ZNF704: variants seen among roughly 807,000 people sequenced by gnomAD.
ZNF704 encodes glucocorticoid induced gene 1.
ZNF704 carries 10 observed loss-of-function variants against 44.7 expected under a neutral mutation model. The observed-to-expected ratio is 0.22, with a 90% CI of 0.14 to 0.38. ZNF704 has a LOEUF of 0.38. ZNF704 is among the 10% of genes least tolerant of loss of function. The pLI, the probability that ZNF704 is intolerant of heterozygous loss-of-function variation, is 1.00. For synonymous variants in ZNF704, 211 were observed against 207.6 expected (o/e 1.02, Z -0.14); for missense variants, 390 against 545.5 (o/e 0.71, Z 2.84).
At chr8:80,803,305 T>C (rs1037263477) in intron 2 of ZNF704, among the ~76,000 whole-genome samples, 8 of 152,256 alleles carry the variant, frequency 5.3e-5, no homozygotes, top group Middle Eastern at 3.4e-3. Flanking sequence ...TAAACTACCA[T>C]TGACATTCTT....
At chr8:80,798,599 C>A (rs1048255048) in intron 2 of ZNF704, among the ~76,000 whole-genome samples, 8 of 152,068 alleles carry the variant, frequency 5.3e-5, no homozygotes, top group Non-Finnish European at 1.5e-5. Context: ...GATCACTTAC[C>A]CAGTCTCTAA....
intron 2 of ZNF704, among the ~76,000 whole-genome samples, chr8:80,742,010 A>G (rs1003490327): frequency 1.3e-5 from 2 of 152,208 alleles, no homozygotes; most frequent in Non-Finnish European, 2.9e-5. Flanking sequence ...CCATGCCCAC[A>G]CAGCAATATG....
At chr8:80,714,347 C>G (rs1819038541) in intron 2 of ZNF704, among the ~76,000 whole-genome samples, 1 of 152,180 alleles carries the variant, frequency 6.6e-6, no homozygotes, top group South Asian at 2.1e-4. Flanking sequence ...AAATTCTGCA[C>G]TATTCAAAAG....
chr8:80,665,957 TTTTA>T lies in ZNF704; in HGVS notation c.660-879_660-876del, dbSNP rs561260184. Among the ~76,000 whole-genome samples the T allele has an allele frequency of 8.6e-3, 1,259 of 145,754 alleles. 20 individuals carry two copies. Among genetic ancestry groups the T allele is most frequent in the African/African-American group, 0.033 (1,197 of 36,458 alleles). The stretch of plus-strand genomic sequence containing the variant: ...ACCCAGTCTCAGATAGTTCTTTATT[TTTTA>T]TTTATTTATTTTTTTATTATACTTT... On this transcript the variant is annotated intron_variant, in intron 5 of 8. Transcript: ENST00000327835.
intron 2 of ZNF704, among the ~76,000 whole-genome samples, chr8:80,804,908 T>C (rs931613413): frequency 2.0e-5 from 3 of 152,172 alleles, no homozygotes; most frequent in Non-Finnish European, 4.4e-5. Context: ...GAAAATTTCA[T>C]CATAGATTGG....
At chr8:80,755,709 T>A (rs1226693421) in intron 2 of ZNF704, among the ~76,000 whole-genome samples, 1 of 152,178 alleles carries the variant, frequency 6.6e-6, no homozygotes, top group Admixed American at 6.5e-5. Flanking sequence ...TTCACATGAC[T>A]GGGCTTTACC....
intron 2 of ZNF704, among the ~76,000 whole-genome samples, chr8:80,787,858 TA>T (rs1807641181): frequency 1.3e-5 from 2 of 152,198 alleles, no homozygotes; most frequent in Admixed American, 6.5e-5. Context: ...TTATTTCTTT[TA>T]AAAAATTATC....
intron 2 of ZNF704, among the ~76,000 whole-genome samples, chr8:80,732,952 T>TAA (rs59640222): frequency 0.059 from 4,633 of 78,482 alleles, 403 homozygotes; most frequent in African/African-American, 0.19. Flanking sequence ...AGACCTTGCC[T>TAA]AAAAAAAAAA....
chr8:80,756,571 C>T (rs575403724), intron 2 of ZNF704, among the ~76,000 whole-genome samples: 2 of 152,296 alleles, frequency 1.3e-5, no homozygotes, highest in African/African-American at 4.8e-5. Context: ...TGTATATGCA[C>T]TTCTAGTTGT....
intron 1 of ZNF704, among the ~76,000 whole-genome samples, chr8:80,855,785 A>T (rs890778795): frequency 3.3e-5 from 5 of 152,244 alleles, no homozygotes; most frequent in Non-Finnish European, 2.9e-5. Context: ...ATAAAAAAAT[A>T]AAAAATAAAA....
chr8:80,884,059 G>T, the ZNF704 span, among the ~76,000 whole-genome samples: 2 of 152,208 alleles, frequency 1.3e-5, no homozygotes, highest in African/African-American at 4.8e-5. Context: ...TTTCTTAAAA[G>T]CTAGTCATAA....
intron 2 of ZNF704, among the ~76,000 whole-genome samples, chr8:80,720,662 C>G (rs955026352): frequency 5.9e-5 from 9 of 152,198 alleles, no homozygotes; most frequent in African/African-American, 2.2e-4. Context: ...TACAGGAAAC[C>G]AACAGAAATC....
chr8:80,825,831 G>A (rs1247147662), intron 1 of ZNF704, among the ~76,000 whole-genome samples: 2 of 152,138 alleles, frequency 1.3e-5, no homozygotes, highest in African/African-American at 4.8e-5. Flanking sequence ...TGACTACTGG[G>A]TACATCACGA....
intron 1 of ZNF704, among the ~76,000 whole-genome samples, chr8:80,866,623 C>T (rs1444852130): frequency 1.3e-5 from 2 of 152,208 alleles, no homozygotes; most frequent in Admixed American, 6.5e-5. Context: ...GTCATTGTAA[C>T]AAGGCTGATT....
At chr8:80,700,473 T>C (rs1265356655) in intron 2 of ZNF704, among the ~76,000 whole-genome samples, 5 of 152,226 alleles carry the variant, frequency 3.3e-5, no homozygotes, top group Non-Finnish European at 7.3e-5. Context: ...TTAAATAAGA[T>C]GTGTAAAATA....
At chr8:80,829,282 G>GT (rs1255167676) in intron 1 of ZNF704, among the ~76,000 whole-genome samples, 2 of 152,100 alleles carry the variant, frequency 1.3e-5, no homozygotes, top group South Asian at 2.1e-4. Context: ...AATGCACTGC[G>GT]TAACTCTCTC....
intron 1 of ZNF704, among the ~76,000 whole-genome samples, chr8:80,836,788 CA>C (rs1208538956): frequency 6.6e-6 from 1 of 151,588 alleles, no homozygotes; most frequent in African/African-American, 2.4e-5. Flanking sequence ...GAACCTATCT[CA>C]AAAAAACAAA....
intron 2 of ZNF704, among the ~76,000 whole-genome samples, chr8:80,780,180 G>C (rs1807493655): frequency 6.6e-6 from 1 of 152,162 alleles, no homozygotes; most frequent in Non-Finnish European, 1.5e-5. Flanking sequence ...AGTGTGGCTG[G>C]AGGGCAAGGT....
At chr8:80,843,982 TATA>T (rs1392310992) in intron 1 of ZNF704, among the ~76,000 whole-genome samples, 2 of 149,766 alleles carry the variant, frequency 1.3e-5, no homozygotes, top group Admixed American at 6.7e-5. Context: ...TATATATATA[TATA>T]TATATACACA....
Sources: allele counts gnomAD v4.1 joint callset (sites outside exome capture counted in the v4.1 genomes callset), GRCh38; gene constraint gnomAD v4.1.1; transcripts MANE v1.5; gene names NCBI Gene and HGNC (gene_info 2026-07-23, HGNC 2026-07-21).